The following CINP variants were observed in gnomAD, a reference collection of about 807,000 sequenced individuals.
CINP encodes the protein cyclin-dependent kinase 2-interacting protein.
Under a neutral mutation model 20.5 loss-of-function variants are expected in CINP, and 11 were observed. The observed-to-expected ratio is 0.54, with a 90% CI of 0.34 to 0.89. CINP has a LOEUF of 0.89. Ranked by LOEUF, CINP falls within the 40% of genes least tolerant of loss-of-function variation. CINP has a pLI of 0.02. For synonymous variants in CINP, 108 were observed against 102.1 expected, an observed-to-expected ratio of 1.06 and a Z score of -0.35; for missense variants, 213 against 251.0, an observed-to-expected ratio of 0.85 and a Z score of 1.02.
intron 3 of CINP, among the ~76,000 whole-genome samples, chr14:102,350,914 T>G (rs1886854388): frequency 6.7e-6 from 1 of 149,306 alleles, no homozygotes; most frequent in Admixed American, 6.7e-5. Flanking sequence ...CAACCTCTGA[T>G]TCCCTGGTTC....
intron 2 of CINP, among the ~76,000 whole-genome samples, chr14:102,356,140 T>C (rs1377755542): frequency 6.6e-6 from 1 of 152,102 alleles, no homozygotes; most frequent in Non-Finnish European, 1.5e-5. Flanking sequence ...GACAGCCGGT[T>C]TTGGTGGCTC....
chr14:102,361,122 CT>C (rs766231449), intron 1 of CINP, among the ~76,000 whole-genome samples: 5 of 152,060 alleles, frequency 3.3e-5, no homozygotes, highest in African/African-American at 4.8e-5. Context: ...GTGTGATCCC[CT>C]GAGAAGGTGT....
At chr14:102,359,351 T>G (rs1887080264) in intron 2 of CINP, 68 bp downstream of exon 2, 1 of 1,183,700 alleles carries the variant, frequency 8.4e-7, no homozygotes, top group Admixed American at 2.6e-5. Flanking sequence ...TTTTAAAATT[T>G]ATTCACATTA....
At chr14:102,361,662 A>G (rs1887161552) in intron 1 of CINP, among the ~76,000 whole-genome samples, 1 of 152,196 alleles carries the variant, frequency 6.6e-6, no homozygotes, top group Non-Finnish European at 1.5e-5. Flanking sequence ...AAAACAAAAC[A>G]AAACAAAACA....
rs1319783640 is a variant in CINP, at chr14:102,348,650, G to A, written c.546C>T (p.Tyr182=). Residue 182 remains tyrosine (Y), a synonymous_variant, in exon 5 of 5, where the codon TAC becomes TAT. Coordinates refer to ENST00000216756, the MANE Select transcript of CINP (RefSeq NM_032630.3). ...AGGGCTGGTGCAGCCACATGGACAG[G>A]TAGCTCAGGGTGAGGTCGGGATCCC... The part of the protein sequence containing the change: ...HTGDPDLTLS[Y]LSMWLHQPYV... The A allele has an allele frequency of 1.2e-6, 2 of 1,614,092 alleles. No individual in the cohort carries two copies. Among genetic ancestry groups the A allele is most frequent in the South Asian group, 2.2e-5 (2 of 91,026 alleles).
At position 102,351,230 on chromosome 14, in the gene CINP, AG is replaced by A. The variant is rs1886860924; in HGVS notation, c.307-1183del. Among the ~76,000 whole-genome samples, 1 of 152,218 alleles carries A rather than the reference AG, an allele frequency of 6.6e-6. No individual in the cohort carries two copies. The highest frequency in any genetic ancestry group is 1.5e-5 in the Non-Finnish European group (1 of 68,038). ...CCCTACACACTTCACGCAGAAAGGAAGGAAACGTGGCAAGCTGCCATTGACG... is the reference window on the plus strand; with the variant it reads ...CCCTACACACTTCACGCAGAAAGGAAGAAACGTGGCAAGCTGCCATTGACG... On this transcript the variant is annotated intron_variant, in intron 3 of 4. Transcript: ENST00000216756. This position sits in a 1 kb window ranked among gnomAD's most constrained non-coding sequence, Gnocchi z 4.2.
chr14:102,362,620 G>A (rs1233608998), intron 1 of CINP: 2 of 713,220 alleles, frequency 2.8e-6, no homozygotes, highest in African/African-American at 1.7e-5. Flanking sequence ...ATATCGTCCC[G>A]TTCATCTGTC....
At chr14:102,357,199 G>C (rs1432027884) in intron 2 of CINP, among the ~76,000 whole-genome samples, 1 of 152,036 alleles carries the variant, frequency 6.6e-6, no homozygotes, top group Admixed American at 6.6e-5. Context: ...TGGGCAACAT[G>C]TGAAACTCCG....
At chr14:102,358,843 G>C (rs1887058198) in intron 2 of CINP, among the ~76,000 whole-genome samples, 1 of 152,116 alleles carries the variant, frequency 6.6e-6, no homozygotes, top group Admixed American at 6.6e-5. Flanking sequence ...GTTTGAGGAA[G>C]GCACAGGTCA....
At chr14:102,362,651 G>C (rs757206281) in intron 1 of CINP, 194 bp downstream of exon 1, 4 of 739,088 alleles carry the variant, frequency 5.4e-6, no homozygotes, top group African/African-American at 1.7e-5. Context: ...TGAAAAAACG[G>C]AGGCTCGGCA....
chr14:102,351,887 T>C lies in CINP; in HGVS notation c.307-1839A>G, dbSNP rs1338699403. ...CACCAAGTTTTTTTGTTTTTGTTTT[T>C]GTTTTTGTTTTTTTTGAGACAGAGT... On this transcript the variant is annotated intron_variant, in intron 3 of 4. Coordinates refer to ENST00000216756, the MANE Select transcript of CINP (RefSeq NM_032630.3). This position sits in a 1 kb window ranked among gnomAD's most constrained non-coding sequence, Gnocchi z 4.2. 6.6e-6 allele frequency among the ~76,000 whole-genome samples: 1 copy of C among 152,116 alleles called. No individual in the cohort carries two copies. Among genetic ancestry groups the C allele is most frequent in the East Asian group, 1.9e-4 (1 of 5,184 alleles).
Position 102,348,602 on chromosome 14 carries a change from C to T in CINP, c.594G>A (p.Leu198=). 6.2e-7 allele frequency: 1 copy of T among 1,613,614 alleles called. No homozygotes were observed. Among genetic ancestry groups the T allele is most frequent in the Non-Finnish European group, 8.5e-7 (1 of 1,179,884 alleles). ...TCTCCAGCAGCATGCTCTCCAGATG[C>T]AGCCTGCTGTCGCTCTCCACATAGG... ...HQPYVESDSR[L]HLESMLLETG... Residue 198 remains leucine (L), a synonymous_variant, in exon 5 of 5, where the codon CTG becomes CTA. Coordinates refer to ENST00000216756, the MANE Select transcript of CINP (RefSeq NM_032630.3).
intron 3 of CINP, among the ~76,000 whole-genome samples, chr14:102,355,142 T>C (rs1388547372): frequency 6.6e-6 from 1 of 151,804 alleles, no homozygotes; most frequent in Admixed American, 6.6e-5. Flanking sequence ...CATTTACGCA[T>C]ATATTATCTA....
chr14:102,349,231 G>A (rs889033930), intron 4 of CINP, among the ~76,000 whole-genome samples: 4 of 152,174 alleles, frequency 2.6e-5, no homozygotes, highest in Non-Finnish European at 5.9e-5. Context: ...TCCAGCAGGC[G>A]TGACAGAGCG....
chr14:102,361,347 A>G (rs190604838), intron 1 of CINP, among the ~76,000 whole-genome samples: 17 of 152,362 alleles, frequency 1.1e-4, no homozygotes, highest in African/African-American at 3.1e-4. Flanking sequence ...ATAGGCCAAG[A>G]TAAGAAGTTG....
intron 3 of CINP, among the ~76,000 whole-genome samples, chr14:102,352,941 G>A (rs375864732): frequency 1.6e-4 from 24 of 151,316 alleles, no homozygotes; most frequent in African/African-American, 4.9e-4. Context: ...GAGCCACTGC[G>A]CCTGGCCAAA....
chr14:102,353,565 A>G (rs764990493), intron 3 of CINP, among the ~76,000 whole-genome samples: 1 of 152,138 alleles, frequency 6.6e-6, no homozygotes, highest in Non-Finnish European at 1.5e-5. Flanking sequence ...TAGAAATGGC[A>G]CTTTACTTCT....
intron 1 of CINP, among the ~76,000 whole-genome samples, chr14:102,359,916 T>C (rs529085830): frequency 6.6e-6 from 1 of 152,286 alleles, no homozygotes; most frequent in East Asian, 1.9e-4. Flanking sequence ...CTTCAATGGC[T>C]CACGTTCCCT....
intron 3 of CINP, chr14:102,352,595 C>CTAT (rs1472991713): frequency 4.4e-6 from 2 of 450,864 alleles, no homozygotes; most frequent in South Asian, 3.2e-5. Flanking sequence ...TAATAATACC[C>CTAT]TATAAAATCA....
Sources: gnomAD v4.1 joint callset for allele counts (sites outside exome capture counted in the v4.1 genomes callset) on GRCh38, gnomAD v4.1.1 for gene constraint, Gnocchi (gnomAD v3.1) non-coding constraint, MANE v1.5 for transcripts, NCBI Gene and HGNC (gene_info 2026-07-23, HGNC 2026-07-21) for gene names.